Variants in CDT1 observed in about 807,000 individuals in gnomAD.
The protein encoded by CDT1 is chromatin licensing and DNA replication factor 1, also known as DNA replication factor Cdt1.
CDT1 carries 66 observed loss-of-function variants against 49.3 expected under a neutral mutation model. The ratio of observed to expected loss-of-function variants is 1.34; its 90% confidence interval spans 1.10 to 1.64. The LOEUF (loss-of-function observed/expected upper bound fraction) is 1.64, where lower values mean the gene tolerates loss of function less well. CDT1 is among the 40% of genes most tolerant of loss of function. The probability of loss-of-function intolerance (pLI) is 0.00; values close to 1 mark genes in which losing one functional copy is unlikely to be tolerated. For synonymous variants in CDT1, 424 were observed against 347.4 expected (o/e 1.22, Z -2.45); for missense variants, 958 against 807.7 (o/e 1.19, Z -2.26).
chr16:88,805,420 G>A lies in CDT1; in HGVS notation c.489-20G>A, dbSNP rs781366394. On this transcript the variant is annotated intron_variant, in intron 3 of 9. Transcript: ENST00000301019. ...GGTAGGGGCCTACTGCTTCTCATGA[G>A]GCTCCTCCCTCCCTGACAGTGGCGA... The A allele has an allele frequency of 1.2e-6, 2 of 1,612,066 alleles. No homozygotes were observed. Among genetic ancestry groups the A allele is most frequent in the East Asian group, 2.2e-5 (1 of 44,878 alleles).
In CDT1 at chr16:88,804,532, T is replaced by A. The variant is rs139066583; in HGVS notation, c.229-13T>A. Reference sequence around the variant, plus strand: ...TCTTGTCATGAGTTCACCCTTGGGGTCCCTCCCACCAGGTTTCCAGCCCCA... The same window carrying A: ...TCTTGTCATGAGTTCACCCTTGGGGACCCTCCCACCAGGTTTCCAGCCCCA... On this transcript the variant is annotated splice_polypyrimidine_tract_variant and intron_variant, in intron 1 of 9. Transcript: ENST00000301019. The A allele has an allele frequency of 2.5e-3, 4,080 of 1,610,840 alleles. 21 individuals are homozygous for A. Among genetic ancestry groups the A allele is most frequent in the East Asian group, 0.014 (638 of 44,844 alleles).
chr16:88,805,623 G>A lies in CDT1; in HGVS notation c.672G>A (p.Gln224=). The change falls in exon 4 of 10, where the codon CAG becomes CAA. Residue 224 remains glutamine, a synonymous_variant. Coordinates refer to ENST00000301019, the MANE Select transcript of CDT1 (RefSeq NM_030928.4). ...TTGCCAAGGTCCAGCGGGGCGTCCA[G>A]GACATGATGCGTAGGTGAGTGGCCG... ...PTFAKVQRGV[Q]DMMRRRFEEC... is the part of the protein sequence containing the mutation. The A allele has an allele frequency of 6.2e-7, 1 of 1,612,776 alleles. No individual in the cohort carries two copies. Among genetic ancestry groups the A allele is most frequent in the Non-Finnish European group, 8.5e-7 (1 of 1,179,966 alleles).
intron 9 of CDT1, 79 bp from the exon 10 acceptor site, chr16:88,808,036 T>G: frequency 6.7e-7 from 1 of 1,500,494 alleles, no homozygotes; most frequent in Non-Finnish European, 9.1e-7. Context: ...AGAGGTTGGG[T>G]GGTCAGGCTG....
Position 88,807,210 on chromosome 16 carries a change from C to G in CDT1, c.1275+7C>G, listed in dbSNP as rs370087075. The G allele has an allele frequency of 5.0e-6, 8 of 1,612,170 alleles. No homozygotes were observed. Among genetic ancestry groups the G allele is most frequent in the African/African-American group, 4.0e-5 (3 of 74,934 alleles). ...CCAGGATCTGCTGGAGCGGGTGAGT[C>G]GTCCCCAGTGATGGCGGGTGGGCGC... is the stretch of plus-strand genomic sequence containing the variant. On this transcript the variant is annotated splice_region_variant and intron_variant, in intron 8 of 9. Transcript: ENST00000301019.
Position 88,808,537 on chromosome 16 carries a change from G to A in CDT1, c.*259G>A, listed in dbSNP as rs1908960852. The A allele has an allele frequency of 1.8e-6, 1 of 544,288 alleles. No individual in the cohort carries two copies. The highest frequency in any genetic ancestry group is 3.2e-5 in the East Asian group (1 of 31,626). The allele number at this position is 544,288 out of a possible 1,614,324, so 33.7% of individuals were successfully genotyped here. ...CTCTGTCCTTGCTGCTGGTGGGGAA[G>A]GGAAGCCAGATCCAGCACCCCCTGG... On this transcript the variant is annotated 3_prime_UTR_variant, in exon 10 of 10. Coordinates refer to ENST00000301019, the MANE Select transcript of CDT1 (RefSeq NM_030928.4).
chr16:88,807,372 A>C lies in CDT1; in HGVS notation c.1367A>C (p.Glu456Ala), dbSNP rs3218729. 1.7e-3 allele frequency: 2,795 copies of C among 1,612,664 alleles called. 31 individuals are homozygous for C. The African/African-American group carries it at 0.02, about 11-fold the overall frequency. ...QRLQRLERLP[E>A]LARVLRSVFV... is the part of the protein sequence containing the mutation. ...CTGCAGCGCTTAGAACGGCTGCCTG[A>C]GCTGGCCCGCGTGCTGCGGAGCGTC... The change falls in exon 9 of 10, where the codon GAG becomes GCG. Residue 456 changes from glutamate (E) to alanine (A), a missense_variant. Transcript: ENST00000301019.
chr16:88,806,773 C>T (rs996358343), intron 7 of CDT1, 99 bp downstream of exon 7: 107 of 1,435,406 alleles, frequency 7.5e-5, no homozygotes, highest in Non-Finnish European at 1.0e-4. Flanking sequence ...AGCTTGACGC[C>T]TCATCTGGCT....
rs372803781 is a variant in CDT1, at chr16:88,805,769, G to C, written c.732G>C (p.Pro244=). 6.2e-7 allele frequency: 1 copy of C among 1,612,942 alleles called. No homozygotes were observed. Among genetic ancestry groups the C allele is most frequent in the East Asian group, 2.2e-5 (1 of 44,898 alleles). Residue 244 remains proline (P), a synonymous_variant, in exon 5 of 10, where the codon CCG becomes CCC. Coordinates refer to ENST00000301019, the MANE Select transcript of CDT1 (RefSeq NM_030928.4). The part of the protein sequence containing the change: ...CNVGQIKTVY[P]ASYRFRQERS... ...TTGGCCAGATCAAAACCGTGTACCC[G>C]GCCTCCTACCGCTTCCGCCAGGAGC...
Position 88,807,437 on chromosome 16 carries a change from G to T in CDT1, c.1432G>T (p.Ala478Ser). The T allele has an allele frequency of 1.9e-6, 3 of 1,613,148 alleles. No individual in the cohort carries two copies. Among genetic ancestry groups the T allele is most frequent in the Non-Finnish European group, 2.5e-6 (3 of 1,179,982 alleles). Reference sequence around the variant, plus strand: ...CAAGCCTGCGCTCAGCATGGAGGTGGCCTGTGCCAGGATGGTGGGCAGCTG... The same window carrying T: ...CAAGCCTGCGCTCAGCATGGAGGTGTCCTGTGCCAGGATGGTGGGCAGCTG... ...ERKPALSMEVACARMVGSCCT... is the reference protein window; with the variant it reads ...ERKPALSMEVSCARMVGSCCT... Residue 478 changes from alanine to serine, a missense_variant, in exon 9 of 10, where the codon GCC (alanine) becomes TCC (serine). Transcript: ENST00000301019.
At position 88,805,518 on chromosome 16, in the gene CDT1, G is replaced by C; in HGVS notation, c.567G>C (p.Lys189Asn). 1 of 1,612,952 alleles carries C rather than the reference G, an allele frequency of 6.2e-7. No individual in the cohort carries two copies. Among genetic ancestry groups the C allele is most frequent in the Non-Finnish European group, 8.5e-7 (1 of 1,179,980 alleles). ...PGLPGLVLPY[K>N]YQVLAEMFRS... ...TGCCGGGACTCGTGCTGCCCTACAAGTACCAGGTGCTGGCGGAGATGTTCC... is the reference window on the plus strand; with the variant it reads ...TGCCGGGACTCGTGCTGCCCTACAACTACCAGGTGCTGGCGGAGATGTTCC... The change falls in exon 4 of 10, where the codon AAG becomes AAC. Residue 189 changes from lysine (K) to asparagine (N), a missense_variant. Physicochemically the swap from Lys to Asn is moderately conservative, Grantham distance 94 (BLOSUM62 0). Coordinates refer to ENST00000301019, the MANE Select transcript of CDT1 (RefSeq NM_030928.4).
chr16:88,807,188 G>A lies in CDT1; in HGVS notation c.1260G>A (p.Gln420=), dbSNP rs1192278075. ...ASPSALKGVS[Q]DLLERIRAKE... is the part of the protein sequence containing the mutation. ...CCAGTGCTCTGAAGGGGGTGTCCCA[G>A]GATCTGCTGGAGCGGGTGAGTCGTC... The change falls in exon 8 of 10, where the codon CAG becomes CAA. Residue 420 remains glutamine (Q), a synonymous_variant. Coordinates refer to ENST00000301019, the MANE Select transcript of CDT1 (RefSeq NM_030928.4). 6.2e-7 allele frequency: 1 copy of A among 1,612,418 alleles called. No individual in the cohort carries two copies. Among genetic ancestry groups the A allele is most frequent in the South Asian group, 1.1e-5 (1 of 91,056 alleles).
rs775620005 is a variant in CDT1, at chr16:88,808,302, C to T, written c.*24C>T. ...GAGCCTGGGGGCCACTGTGGACAGA[C>T]GTGGGCTTCAGAAGCTCGCTGGCCT... is the stretch of plus-strand genomic sequence containing the variant. On this transcript the variant is annotated 3_prime_UTR_variant, in exon 10 of 10. Transcript: ENST00000301019. The T allele has an allele frequency of 7.0e-5, 110 of 1,562,344 alleles. No homozygotes were observed. The highest frequency in any genetic ancestry group is 1.7e-4 in the Middle Eastern group (1 of 6,026).
rs2142944736 is a variant in CDT1 at position 88,806,508 on chromosome 16, C to T, written c.956C>T (p.Pro319Leu). The change falls in exon 7 of 10, where the codon CCC becomes CTC. Residue 319 changes from proline (P) to leucine (L), a missense_variant. Transcript: ENST00000301019. ...CAGGCCTTCCTGGCCTCCCTGAGCC[C>T]CGCCATGGTGGTGCCGGAGGACCAG... ...HHKAFLASLS[P>L]AMVVPEDQLT... 6.2e-7 allele frequency: 1 copy of T among 1,610,938 alleles called. No homozygotes were observed. The highest frequency in any genetic ancestry group is 2.2e-5 in the East Asian group (1 of 44,802).
chr16:88,804,517 A>G lies in CDT1; in HGVS notation c.229-28A>G, dbSNP rs768049193. 63 of 1,608,076 alleles carry G rather than the reference A, an allele frequency of 3.9e-5. No individual in the cohort carries two copies. In the Admixed American group the frequency reaches 1.0e-3, roughly 27 times the overall value. ...GCCAGGAGCACCAGGTCTTGTCATG[A>G]GTTCACCCTTGGGGTCCCTCCCACC... On this transcript the variant is annotated intron_variant, in intron 1 of 9. Coordinates refer to ENST00000301019, the MANE Select transcript of CDT1 (RefSeq NM_030928.4).
In CDT1 at chr16:88,808,414, C is replaced by A; in HGVS notation, c.*136C>A. On this transcript the variant is annotated 3_prime_UTR_variant, in exon 10 of 10. Transcript: ENST00000301019. ...CCTGAGGGCCAGAGGCAGATGTGGG[C>A]TGCAGGCTGCACAGCCCGAGGGTCT... 9.6e-7 allele frequency: 1 copy of A among 1,039,588 alleles called. No homozygotes were observed. Among genetic ancestry groups the A allele is most frequent in the Non-Finnish European group, 1.4e-6 (1 of 722,374 alleles). The allele number at this position is 1,039,588 out of a possible 1,614,324, so 64.4% of individuals were successfully genotyped here.
At chr16:88,806,909 C>G (rs932180570) in intron 7 of CDT1, 142 bp from the exon 8 acceptor site, 92 of 1,251,552 alleles carry the variant, frequency 7.4e-5, no homozygotes, top group Non-Finnish European at 1.0e-4. Flanking sequence ...ATGCTGCACA[C>G]TGGGACACTG....
Position 88,804,524 on chromosome 16 carries a change from C to T in CDT1, c.229-21C>T, listed in dbSNP as rs761015079. ...GCACCAGGTCTTGTCATGAGTTCAC[C>T]CTTGGGGTCCCTCCCACCAGGTTTC... On this transcript the variant is annotated intron_variant, in intron 1 of 9. Transcript: ENST00000301019. 5 of 1,610,174 alleles carry T rather than the reference C, an allele frequency of 3.1e-6. No individual in the cohort carries two copies. In the East Asian group the frequency reaches 6.7e-5, roughly 22 times the overall value.
rs938131734 is a variant in CDT1 at position 88,805,740 on chromosome 16, A to G, written c.703A>G (p.Asn235Asp). ...CTCCCATAGGCGTTTTGAGGAGTGCAATGTTGGCCAGATCAAAACCGTGTA... is the reference window on the plus strand; with the variant it reads ...CTCCCATAGGCGTTTTGAGGAGTGCGATGTTGGCCAGATCAAAACCGTGTA... ...DMMRRRFEEC[N>D]VGQIKTVYPA... The change falls in exon 5 of 10, where the codon AAT becomes GAT. Residue 235 changes from asparagine to aspartate, a missense_variant. By Grantham distance (23) the Asn-to-Asp change is conservative. Transcript: ENST00000301019. The G allele has an allele frequency of 4.3e-6, 7 of 1,612,980 alleles. No homozygotes were observed. The highest frequency in any genetic ancestry group is 4.0e-5 in the African/African-American group (3 of 75,046).
In CDT1 at chr16:88,808,345, C is replaced by G. The variant is rs1318212487; in HGVS notation, c.*67C>G. On this transcript the variant is annotated 3_prime_UTR_variant, in exon 10 of 10. Coordinates refer to ENST00000301019, the MANE Select transcript of CDT1 (RefSeq NM_030928.4). ...GCTGGCCTGGGCCCACCAGCATTTTCTTTTATGAACATGATACACTTTGGC... is the reference window on the plus strand; with the variant it reads ...GCTGGCCTGGGCCCACCAGCATTTTGTTTTATGAACATGATACACTTTGGC... The G allele has an allele frequency of 3.3e-6, 5 of 1,504,892 alleles. No homozygotes were observed. Among genetic ancestry groups the G allele is most frequent in the South Asian group, 1.2e-5 (1 of 82,100 alleles). 93.2% of individuals were successfully genotyped at this position (1,504,892 alleles called of 1,614,324 possible).
Sources: gnomAD v4.1 joint callset for allele counts on GRCh38, gnomAD v4.1.1 for gene constraint, MANE v1.5 for transcripts, NCBI Gene and HGNC (gene_info 2026-07-23, HGNC 2026-07-21) for gene names.